Variants in SLC6A11 observed in about 807,000 individuals in gnomAD.
SLC6A11 encodes solute carrier family 6 member 11, also known as sodium- and chloride-dependent GABA transporter 3.
A neutral mutation model predicts 74.8 loss-of-function variants in SLC6A11; 25 were observed. The ratio of observed to expected loss-of-function variants is 0.33; its 90% CI spans 0.24 to 0.47. SLC6A11 has a LOEUF of 0.47. Ranked by LOEUF, SLC6A11 falls within the 20% of genes least tolerant of loss-of-function variation. The probability of loss-of-function intolerance (pLI) is 1.00; values close to 1 mark genes in which losing one functional copy is unlikely to be tolerated. For missense variants in SLC6A11, 574 were observed against 837.0 expected (o/e 0.69, Z 3.88); for synonymous variants, 330 against 330.2 (o/e 1.00, Z 0.01).
At chr3:10,837,717 C>A (rs1694384235) in intron 4 of SLC6A11, among the ~76,000 whole-genome samples, 1 of 152,216 alleles carries the variant, frequency 6.6e-6, no homozygotes, top group South Asian at 2.1e-4. Context: ...TTATTCATCA[C>A]TGTAGCGTGG....
At chr3:10,820,147 G>T (rs892351486) in intron 3 of SLC6A11, among the ~76,000 whole-genome samples, 1 of 152,202 alleles carries the variant, frequency 6.6e-6, no homozygotes, top group African/African-American at 2.4e-5. Flanking sequence ...CAGGATGGGG[G>T]TGTGAGGAAG....
intron 5 of SLC6A11, among the ~76,000 whole-genome samples, chr3:10,867,805 A>G (rs987977952): frequency 6.6e-6 from 1 of 152,196 alleles, no homozygotes; most frequent in African/African-American, 2.4e-5. Context: ...GTTTATCTTT[A>G]GCACCTCTCT....
intron 5 of SLC6A11, among the ~76,000 whole-genome samples, chr3:10,849,023 A>C (rs953108371): frequency 6.6e-6 from 1 of 152,158 alleles, no homozygotes; most frequent in South Asian, 2.1e-4. Context: ...ACACAAATGC[A>C]TTGATCATAG....
At chr3:10,934,776 C>G (rs943852332) in intron 12 of SLC6A11, among the ~76,000 whole-genome samples, 1 of 152,216 alleles carries the variant, frequency 6.6e-6, no homozygotes, top group African/African-American at 2.4e-5. Context: ...GGGAGAGGTC[C>G]TCACAGCCCA....
intron 5 of SLC6A11, among the ~76,000 whole-genome samples, chr3:10,858,382 A>G (rs1694663090): frequency 6.6e-6 from 1 of 152,248 alleles, no homozygotes; most frequent in South Asian, 2.1e-4. Flanking sequence ...GAAGTGGAAC[A>G]TGCAGAAATC....
At chr3:10,895,088 G>C (rs950117757) in intron 6 of SLC6A11, among the ~76,000 whole-genome samples, 1 of 152,160 alleles carries the variant, frequency 6.6e-6, no homozygotes, top group African/African-American at 2.4e-5. Flanking sequence ...CTATGGTGTT[G>C]TTGTGAGAAC....
chr3:10,921,691 A>T (rs895401691), intron 8 of SLC6A11, among the ~76,000 whole-genome samples: 3 of 152,172 alleles, frequency 2.0e-5, no homozygotes, highest in African/African-American at 7.2e-5. Flanking sequence ...GGCAGAGATT[A>T]TCAGACCAGA....
intron 5 of SLC6A11, among the ~76,000 whole-genome samples, chr3:10,870,235 T>C (rs1694813536): frequency 6.6e-6 from 1 of 152,350 alleles, no homozygotes; most frequent in East Asian, 1.9e-4. Context: ...TGTGGTGTCA[T>C]GATCCCAGGA....
chr3:10,867,721 G>A (rs887857486), intron 5 of SLC6A11, among the ~76,000 whole-genome samples: 1 of 152,210 alleles, frequency 6.6e-6, no homozygotes, highest in Non-Finnish European at 1.5e-5. Context: ...CCAGACTGCA[G>A]AGCATCCAAT....
intron 6 of SLC6A11, among the ~76,000 whole-genome samples, chr3:10,895,083 G>T (rs988875776): frequency 1.2e-4 from 18 of 152,158 alleles, no homozygotes; most frequent in Non-Finnish European, 2.2e-4. Context: ...CCAGCCTATG[G>T]TGTTGTTGTG....
At chr3:10,873,399 G>GCTATCCTATCCTATC (rs1376789414) in intron 5 of SLC6A11, among the ~76,000 whole-genome samples, 1 of 90,800 alleles carries the variant, frequency 1.1e-5, no homozygotes, top group African/African-American at 5.4e-5. Context: ...CCTATCCTAT[G>GCTATCCTATCCTATC]CTATCCTATC....
intron 4 of SLC6A11, among the ~76,000 whole-genome samples, chr3:10,840,854 C>T (rs1694428408): frequency 6.6e-6 from 1 of 152,138 alleles, no homozygotes; most frequent in Non-Finnish European, 1.5e-5. Context: ...GATAATTGTG[C>T]TCATCTCAAG....
chr3:10,866,311 C>T (rs569129428), intron 5 of SLC6A11, among the ~76,000 whole-genome samples: 137 of 152,314 alleles, frequency 9.0e-4, no homozygotes, highest in African/African-American at 3.1e-3. Context: ...TAGATGGCCA[C>T]GCCCACCTAC....
intron 7 of SLC6A11, among the ~76,000 whole-genome samples, chr3:10,917,760 C>G (rs1336808474): frequency 2.0e-5 from 3 of 152,216 alleles, no homozygotes; most frequent in Non-Finnish European, 4.4e-5. Context: ...CTGGAAGGGG[C>G]TGCTCGCTCA....
At chr3:10,829,533 AC>A (rs1694265486) in intron 4 of SLC6A11, among the ~76,000 whole-genome samples, 1 of 151,918 alleles carries the variant, frequency 6.6e-6, no homozygotes, top group African/African-American at 2.4e-5. Context: ...GCCCCACCAT[AC>A]CCCCAACACA....
intron 6 of SLC6A11, among the ~76,000 whole-genome samples, chr3:10,898,424 C>G (rs1309753543): frequency 6.6e-6 from 1 of 152,220 alleles, no homozygotes; most frequent in East Asian, 1.9e-4. Flanking sequence ...TTTAACAGCA[C>G]CCAAGTCACC....
chr3:10,880,315 T>C (rs2106608739), intron 6 of SLC6A11, among the ~76,000 whole-genome samples: 1 of 152,336 alleles, frequency 6.6e-6, no homozygotes, highest in Middle Eastern at 3.4e-3. Context: ...TTCCTGTACT[T>C]CTGGAAATGA....
chr3:10,888,596 G>A (rs1256726633), intron 6 of SLC6A11, among the ~76,000 whole-genome samples: 2 of 152,206 alleles, frequency 1.3e-5, no homozygotes, highest in East Asian at 1.9e-4. Context: ...CAAGGTGCAC[G>A]TACTGTGTGC....
At position 10,863,460 on chromosome 3, in the gene SLC6A11, C is replaced by T. The variant is rs117034757; in HGVS notation, c.757-11501C>T. Among the ~76,000 whole-genome samples, 967 of 152,294 alleles carry T rather than the reference C, an allele frequency of 6.3e-3. 50 individuals carry two copies. In the South Asian group the frequency reaches 0.098, roughly 16 times the overall value. ...CATTTTATAGAAGAGAATATCAAGA[C>T]CTAGAAAGATAATAGCTTGCCAAAA... On this transcript the variant is annotated intron_variant, in intron 5 of 13. Coordinates refer to ENST00000254488, the MANE Select transcript of SLC6A11 (RefSeq NM_014229.3).
Sources: gnomAD v4.1 joint callset for allele counts (sites outside exome capture counted in the v4.1 genomes callset) on GRCh38, gnomAD v4.1.1 for gene constraint, MANE v1.5 for transcripts, NCBI Gene and HGNC (gene_info 2026-07-23, HGNC 2026-07-21) for gene names.